The following PLEKHG1 variants were observed in gnomAD, a reference collection of about 807,000 sequenced individuals.
The protein encoded by PLEKHG1 is pleckstrin homology and RhoGEF domain containing G1, also known as pleckstrin homology domain-containing family G member 1.
PLEKHG1 carries 44 observed loss-of-function variants against 100.8 expected under a neutral mutation model. That is an observed-to-expected ratio of 0.44 (90% CI 0.34 to 0.56). The LOEUF is 0.56. Ranked by LOEUF, PLEKHG1 falls within the 20% of genes least tolerant of loss-of-function variation. The probability of loss-of-function intolerance (pLI) is 0.01; values close to 1 mark genes in which losing one functional copy is unlikely to be tolerated. For missense variants in PLEKHG1, 1,545 were observed against 1,720.9 expected (o/e 0.90, Z 1.81); for synonymous variants, 640 against 662.5 (o/e 0.97, Z 0.52).
At chr6:150,682,696 A>C (rs532344299) in intron 3 of PLEKHG1, among the ~76,000 whole-genome samples, 97 of 152,330 alleles carry the variant, frequency 6.4e-4, no homozygotes, top group Non-Finnish European at 4.9e-4. Context: ...ACACGGGAGC[A>C]GACCTTGCAC....
chr6:150,628,796 T>C (rs1221346711), intron 1 of PLEKHG1, among the ~76,000 whole-genome samples: 1 of 152,190 alleles, frequency 6.6e-6, no homozygotes, highest in Admixed American at 6.5e-5. Flanking sequence ...TGTGTTGTAG[T>C]AATAGCCCCA....
At chr6:150,621,940 GA>G (rs1340845794) in intron 1 of PLEKHG1, among the ~76,000 whole-genome samples, 4 of 152,180 alleles carry the variant, frequency 2.6e-5, no homozygotes, top group African/African-American at 9.7e-5. Flanking sequence ...GTTGCGTCCA[GA>G]ACTGTTGTGT....
chr6:150,811,124 G>T (rs1787500393), intron 10 of PLEKHG1, among the ~76,000 whole-genome samples: 1 of 152,128 alleles, frequency 6.6e-6, no homozygotes, highest in Non-Finnish European at 1.5e-5. Context: ...TGTAGATGGG[G>T]AGCCAGCTGC....
chr6:150,822,813 C>A (rs772273685), intron 13 of PLEKHG1, among the ~76,000 whole-genome samples: 3 of 152,112 alleles, frequency 2.0e-5, no homozygotes, highest in Non-Finnish European at 2.9e-5. Context: ...GATCCCATCT[C>A]TACTAAAAAT....
rs184242819 is a variant in PLEKHG1 at position 150,815,032 on chromosome 6, T to C, written c.1279-3151T>C. Reference sequence around the variant, plus strand: ...CCACCACACCCAGCCTCAAACACGCTTGTCTAATATACTTTATTCACTATA... The same window carrying C: ...CCACCACACCCAGCCTCAAACACGCCTGTCTAATATACTTTATTCACTATA... On this transcript the variant is annotated intron_variant, in intron 10 of 15. Transcript: ENST00000358517. Among the ~76,000 whole-genome samples the C allele has an allele frequency of 3.5e-3, 529 of 152,324 alleles. 3 individuals are homozygous for C. The highest frequency in any genetic ancestry group is 0.012 in the African/African-American group (481 of 41,566).
At chr6:150,764,568 G>A (rs1784361000) in intron 2 of PLEKHG1, among the ~76,000 whole-genome samples, 1 of 152,224 alleles carries the variant, frequency 6.6e-6, no homozygotes, top group South Asian at 2.1e-4. Flanking sequence ...TCAAGGGTCT[G>A]TGTGTTTAGG....
chr6:150,635,637 G>A (rs1777965309), intron 1 of PLEKHG1, among the ~76,000 whole-genome samples: 1 of 152,164 alleles, frequency 6.6e-6, no homozygotes, highest in African/African-American at 2.4e-5. Flanking sequence ...AGTGAGCTGT[G>A]TATGTGGCAT....
At chr6:150,726,468 G>A (rs1781969125) in intron 1 of PLEKHG1, among the ~76,000 whole-genome samples, 1 of 151,986 alleles carries the variant, frequency 6.6e-6, no homozygotes, top group South Asian at 2.1e-4. Flanking sequence ...ACATTTTTGA[G>A]CTATTTATTT....
chr6:150,749,920 A>G (rs1783397399), intron 2 of PLEKHG1, among the ~76,000 whole-genome samples: 1 of 151,994 alleles, frequency 6.6e-6, no homozygotes, highest in African/African-American at 2.4e-5. Flanking sequence ...AAAAAGACAA[A>G]AATGAGCCGG....
At chr6:150,804,877 A>C in intron 7 of PLEKHG1, 136 bp downstream of exon 8, 2 of 697,336 alleles carry the variant, frequency 2.9e-6, no homozygotes, top group South Asian at 2.1e-5. Flanking sequence ...AAAAAAGTTC[A>C]GGACATCAGT....
Position 150,773,459 on chromosome 6 carries a change from G to A in PLEKHG1, c.512+4721G>A, listed in dbSNP as rs537587876. Among the ~76,000 whole-genome samples, 28 of 152,284 alleles carry A rather than the reference G, an allele frequency of 1.8e-4. 1 individual carries two copies. Among genetic ancestry groups the A allele is most frequent in the South Asian group, 1.2e-3 (6 of 4,822 alleles). On this transcript the variant is annotated intron_variant, in intron 3 of 15. Coordinates refer to ENST00000358517, the Ensembl canonical transcript of PLEKHG1. Reference sequence around the variant, plus strand: ...TGAGGCAGGAGAATTGCTTGAGCCCGGGAGGCAGAGGCTGCAGTGAGCCAA... The same window carrying A: ...TGAGGCAGGAGAATTGCTTGAGCCCAGGAGGCAGAGGCTGCAGTGAGCCAA...
At chr6:150,769,915 C>T (rs533731925) in intron 3 of PLEKHG1, among the ~76,000 whole-genome samples, 17 of 152,268 alleles carry the variant, frequency 1.1e-4, no homozygotes, top group African/African-American at 4.1e-4. Flanking sequence ...CCTCTCCACC[C>T]TGACTCACAA....
rs573532591 is a variant in PLEKHG1, at chr6:150,600,156, G to T, written c.-204+139G>T. ...TACCCGGGCCCCGCCGGCCCCCTGC[G>T]CGCCCCTCCGCAGTGGGGACGGAGG... is the stretch of plus-strand genomic sequence containing the variant. On this transcript the variant is annotated intron_variant, in intron 1 of 3. Coordinates refer to the PLEKHG1 transcript ENST00000367326. This position sits in a 1 kb window ranked among gnomAD's most constrained non-coding sequence, Gnocchi z 6.2. 256 of 156,374 alleles carry T rather than the reference G, an allele frequency of 1.6e-3. 4 individuals carry two copies. Among genetic ancestry groups the T allele is most frequent in the South Asian group, 0.013 (89 of 6,750 alleles). 9.7% of individuals were successfully genotyped at this position (156,374 alleles called of 1,614,324 possible). A position where few individuals can be genotyped will look rare whatever the true frequency, so the allele number is the denominator to read the frequency against.
chr6:150,759,747 A>G (rs568640884), intron 2 of PLEKHG1, among the ~76,000 whole-genome samples: 3 of 152,294 alleles, frequency 2.0e-5, no homozygotes, highest in East Asian at 1.9e-4. Context: ...GCTTATGCCT[A>G]TAAGCCCAGC....
chr6:150,762,468 G>T (rs1243656583), intron 2 of PLEKHG1, among the ~76,000 whole-genome samples: 1 of 151,976 alleles, frequency 6.6e-6, no homozygotes, highest in Non-Finnish European at 1.5e-5. Context: ...GAAAGTACTG[G>T]GATTACAGGC....
intron 1 of PLEKHG1, among the ~76,000 whole-genome samples, chr6:150,629,738 C>T (rs1035944206): frequency 2.6e-5 from 4 of 152,154 alleles, no homozygotes; most frequent in Admixed American, 6.5e-5. Context: ...GGATTACAGG[C>T]GTGAGCCACT....
At chr6:150,641,210 A>G (rs1042281999) in intron 2 of PLEKHG1, among the ~76,000 whole-genome samples, 4 of 152,228 alleles carry the variant, frequency 2.6e-5, no homozygotes, top group African/African-American at 9.6e-5. Context: ...TAGAAACCAT[A>G]CATATCTATA....
rs114103026 is a variant in PLEKHG1, at chr6:150,749,269, C to T, written c.411+15177C>T. Among the ~76,000 whole-genome samples, 616 of 152,266 alleles carry T rather than the reference C, an allele frequency of 4.0e-3. 4 individuals carry two copies. The highest frequency in any genetic ancestry group is 0.014 in the African/African-American group (561 of 41,548). ...GTCAATGAAATTTTCTGGAAACATA[C>T]TTGATTGCCCAGTTGTCTACATCTC... On this transcript the variant is annotated intron_variant, in intron 2 of 15. Coordinates refer to ENST00000358517, the Ensembl canonical transcript of PLEKHG1.
At chr6:150,805,910 C>G (rs78754074) in intron 7 of PLEKHG1, among the ~76,000 whole-genome samples, 1 of 152,136 alleles carries the variant, frequency 6.6e-6, no homozygotes, top group African/African-American at 2.4e-5. Flanking sequence ...TCTTAAGGAA[C>G]TTTTGACAGC....
Sources: allele counts gnomAD v4.1 joint callset (sites outside exome capture counted in the v4.1 genomes callset), GRCh38; gene constraint gnomAD v4.1.1; non-coding constraint Gnocchi (gnomAD v3.1); transcripts MANE v1.5; gene names NCBI Gene and HGNC (gene_info 2026-07-23, HGNC 2026-07-21).